Variants in CDK17 observed in about 807,000 individuals in gnomAD.
CDK17 encodes cyclin dependent kinase 17, also known as cyclin-dependent kinase 17.
A neutral mutation model predicts 77.6 loss-of-function variants in CDK17; 24 were observed. The observed-to-expected ratio is 0.31, with a 90% CI of 0.22 to 0.44. CDK17 has a LOEUF of 0.44. Ranked by LOEUF, CDK17 falls within the 20% of genes least tolerant of loss-of-function variation. CDK17 has a pLI of 1.00. For synonymous variants in CDK17, 203 were observed against 210.4 expected (o/e 0.96, Z 0.30); for missense variants, 429 against 622.5 (o/e 0.69, Z 3.31).
chr12:96,316,388 C>T (rs1308864270), intron 3 of CDK17, among the ~76,000 whole-genome samples: 4 of 149,704 alleles, frequency 2.7e-5, no homozygotes, highest in Admixed American at 6.6e-5. Flanking sequence ...GAGGGGCGCC[C>T]GCCATTGCCC....
chr12:96,298,067 G>A (rs1952436808), intron 7 of CDK17, among the ~76,000 whole-genome samples: 1 of 152,134 alleles, frequency 6.6e-6, no homozygotes, highest in African/African-American at 2.4e-5. Flanking sequence ...AAGGCGGGCG[G>A]ATCGTGAGGT....
chr12:96,337,424 A>T (rs1184154995), intron 1 of CDK17, among the ~76,000 whole-genome samples: 1 of 152,214 alleles, frequency 6.6e-6, no homozygotes, highest in Non-Finnish European at 1.5e-5. Context: ...TTCACTGAGA[A>T]GCTTTACAAT....
At chr12:96,300,262 T>C (rs200272783) in intron 6 of CDK17, 42 bp downstream of exon 6, 2 of 1,342,116 alleles carry the variant, frequency 1.5e-6, no homozygotes, top group African/African-American at 2.9e-5. Context: ...GAATGACGAA[T>C]AAGAAAAAAA....
At chr12:96,340,967 T>C (rs534000719) in intron 1 of CDK17, among the ~76,000 whole-genome samples, 1 of 152,212 alleles carries the variant, frequency 6.6e-6, no homozygotes, top group East Asian at 1.9e-4. Flanking sequence ...ACCCAATAGG[T>C]AGTTTTTTTA....
chr12:96,331,662 C>T (rs931706946), intron 2 of CDK17, among the ~76,000 whole-genome samples: 7 of 152,104 alleles, frequency 4.6e-5, no homozygotes, highest in Admixed American at 4.6e-4. Flanking sequence ...TTGGGATATT[C>T]TATTGTATTT....
At chr12:96,283,678 GCT>G (rs772216471) in intron 13 of CDK17, 33 bp from the exon 14 acceptor site, 3 of 1,406,128 alleles carry the variant, frequency 2.1e-6, no homozygotes, top group Non-Finnish European at 3.0e-6. Flanking sequence ...AAAAATTTAT[GCT>G]CTCTTAGCTG....
At chr12:96,377,476 C>T (rs1330519763) in intron 1 of CDK17, among the ~76,000 whole-genome samples, 1 of 151,958 alleles carries the variant, frequency 6.6e-6, no homozygotes, top group Non-Finnish European at 1.5e-5. Flanking sequence ...ACGTAAAATG[C>T]CCCTTAAACA....
chr12:96,316,244 A>G (rs921263244), intron 3 of CDK17, among the ~76,000 whole-genome samples: 3 of 152,162 alleles, frequency 2.0e-5, no homozygotes, highest in Admixed American at 6.5e-5. Flanking sequence ...TGCGCTTGTC[A>G]GACCGGCTTA....
At position 96,357,783 on chromosome 12, in the gene CDK17, T is replaced by C. The variant is rs1270785828; in HGVS notation, c.-29-22918A>G. ...ATAATATTAGGCCAGTAAATTCAAA[T>C]TCTTCCTGAGAAAGGTATCCTGAGA... On this transcript the variant is annotated intron_variant, in intron 1 of 16. Coordinates refer to ENST00000261211, the MANE Select transcript of CDK17 (RefSeq NM_002595.5). Among the ~76,000 whole-genome samples, 15 of 152,290 alleles carry C rather than the reference T, an allele frequency of 9.8e-5. No individual in the cohort carries two copies. The East Asian group carries it at 2.9e-3, about 29-fold the overall frequency.
In CDK17 at chr12:96,325,322, ATTC is replaced by A. The variant is rs143255353; in HGVS notation, c.119-1213_119-1211del. Among the ~76,000 whole-genome samples, 296 of 152,336 alleles carry A rather than the reference ATTC, an allele frequency of 1.9e-3. 2 individuals are homozygous for A. The East Asian group carries it at 0.047, about 24-fold the overall frequency. ...ATTCCTTTTTAAAATGAAGCCAACTATTCTTCTGCAGTTAACAATCAGGCATAA... is the reference window on the plus strand; with the variant it reads ...ATTCCTTTTTAAAATGAAGCCAACTATTCTGCAGTTAACAATCAGGCATAA... On this transcript the variant is annotated intron_variant, in intron 2 of 16. Transcript: ENST00000261211.
At chr12:96,340,182 T>C (rs1318162422) in intron 1 of CDK17, among the ~76,000 whole-genome samples, 1 of 151,968 alleles carries the variant, frequency 6.6e-6, no homozygotes, top group Non-Finnish European at 1.5e-5. Flanking sequence ...CTTAACCTTT[T>C]CTTCATATAG....
intron 1 of CDK17, among the ~76,000 whole-genome samples, chr12:96,368,674 C>A (rs1423633924): frequency 6.6e-6 from 1 of 151,920 alleles, no homozygotes; most frequent in Non-Finnish European, 1.5e-5. Flanking sequence ...TCCACATTTT[C>A]GTCTAATATT....
At chr12:96,383,931 A>G (rs773663950) in intron 1 of CDK17, among the ~76,000 whole-genome samples, 1 of 152,222 alleles carries the variant, frequency 6.6e-6, no homozygotes, top group South Asian at 2.1e-4. Context: ...GAAACTAAAG[A>G]GCTTCTGCAT....
At chr12:96,291,490 C>T (rs1204323189) in intron 10 of CDK17, among the ~76,000 whole-genome samples, 1 of 151,998 alleles carries the variant, frequency 6.6e-6, no homozygotes, top group Non-Finnish European at 1.5e-5. Context: ...CAGGTTTTTG[C>T]CATATTGCCC....
At chr12:96,300,172 C>T in intron 6 of CDK17, 132 bp downstream of exon 6, 1 of 652,766 alleles carries the variant, frequency 1.5e-6, no homozygotes, top group Non-Finnish European at 2.7e-6. Context: ...TGTTACCTTT[C>T]CAGAACAAGT....
At chr12:96,347,620 GGGGAA>G (rs535478246) in intron 1 of CDK17, among the ~76,000 whole-genome samples, 17,088 of 57,738 alleles carry the variant, frequency 0.3, 3,233 homozygotes, top group East Asian at 0.57. Context: ...GGGGAAGGGA[GGGGAA>G]GGGAGGGGAG....
In CDK17 at chr12:96,280,790, G is replaced by T; in HGVS notation, c.1534+18C>A. On this transcript the variant is annotated intron_variant, in intron 16 of 16. Coordinates refer to ENST00000261211, the MANE Select transcript of CDK17 (RefSeq NM_002595.5). ...AAAATTCATGATCGACACGTGAAATGGTTTATGACAAACACACCTGTCTCT... is the reference window on the plus strand; with the variant it reads ...AAAATTCATGATCGACACGTGAAATTGTTTATGACAAACACACCTGTCTCT... The T allele has an allele frequency of 6.2e-7, 1 of 1,611,686 alleles. No individual in the cohort carries two copies. Among genetic ancestry groups the T allele is most frequent in the Admixed American group, 1.7e-5 (1 of 59,492 alleles).
intron 1 of CDK17, among the ~76,000 whole-genome samples, chr12:96,398,163 C>T (rs1341042524): frequency 6.6e-6 from 1 of 151,656 alleles, no homozygotes; most frequent in Non-Finnish European, 1.5e-5. Context: ...ACCATTCAAA[C>T]TGTTAGTGCT....
Position 96,298,939 on chromosome 12 carries a change from C to A in CDK17, c.645G>T (p.Glu215Asp), listed in dbSNP as rs761096642. The A allele has an allele frequency of 3.1e-6, 5 of 1,609,868 alleles. No individual in the cohort carries two copies. The South Asian group carries it at 5.5e-5, about 18-fold the overall frequency. Reference protein sequence around the residue: ...TVYKGRSKLTENLVALKEIRL... With the variant: ...TVYKGRSKLTDNLVALKEIRL... ...GGATCTCTTTTAATGCCACCAAATTCTCTGTCAATTTACTTCTTCCTTTAT... is the reference window on the plus strand; with the variant it reads ...GGATCTCTTTTAATGCCACCAAATTATCTGTCAATTTACTTCTTCCTTTAT... The change falls in exon 7 of 17, where the codon GAG (glutamate) becomes GAT (aspartate). Residue 215 changes from glutamate to aspartate, a missense_variant. Transcript: ENST00000261211.
Sources: gnomAD v4.1 joint callset for allele counts (sites outside exome capture counted in the v4.1 genomes callset) on GRCh38, gnomAD v4.1.1 for gene constraint, MANE v1.5 for transcripts, NCBI Gene and HGNC (gene_info 2026-07-23, HGNC 2026-07-21) for gene names.